The following ARMC8 variants were observed in gnomAD, a reference collection of about 807,000 sequenced individuals.
The protein encoded by ARMC8 is armadillo repeat-containing protein 8.
In ARMC8, 20 loss-of-function variants were observed where a neutral mutation model predicts 99.3. That is an observed-to-expected ratio of 0.20 (90% CI 0.14 to 0.29). ARMC8 has a LOEUF of 0.29. Among genes scored for constraint, ARMC8 ranks in the 10% least tolerant of loss-of-function variants. ARMC8 has a pLI of 1.00. For missense variants in ARMC8, 569 were observed against 809.5 expected, an observed-to-expected ratio of 0.70 and a Z score of 3.60; for synonymous variants, 263 against 278.3, an observed-to-expected ratio of 0.95 and a Z score of 0.55.
intron 6 of ARMC8, among the ~76,000 whole-genome samples, chr3:138,233,372 C>T (rs1012225953): frequency 6.6e-6 from 1 of 152,172 alleles, no homozygotes; most frequent in East Asian, 1.9e-4. Context: ...GGGAATTTAT[C>T]CTCATAACCT....
intron 1 of ARMC8, among the ~76,000 whole-genome samples, chr3:138,190,280 T>C (rs1327737196): frequency 3.4e-5 from 5 of 146,734 alleles, no homozygotes; most frequent in Non-Finnish European, 7.4e-5. Flanking sequence ...TATTTTCTTA[T>C]CTTTTTTTTT....
chr3:138,270,199 A>G, intron 16 of ARMC8, 67 bp downstream of exon 16: 2 of 1,191,352 alleles, frequency 1.7e-6, no homozygotes, highest in South Asian at 1.4e-5. Flanking sequence ...AGTTAGAACT[A>G]TAATGTGTTA....
At chr3:138,233,777 T>C (rs2046185698) in intron 6 of ARMC8, among the ~76,000 whole-genome samples, 1 of 152,210 alleles carries the variant, frequency 6.6e-6, no homozygotes, top group Admixed American at 6.5e-5. Context: ...TGAGAGCACT[T>C]GCTGGACCAA....
chr3:138,287,946 C>T (rs1249555944), intron 19 of ARMC8: 1 of 202,520 alleles, frequency 4.9e-6, no homozygotes, highest in Non-Finnish European at 1.0e-5. Flanking sequence ...ACACCCTATC[C>T]AAAGCAACCA....
At chr3:138,188,715 A>G (rs2043213118) in intron 1 of ARMC8, among the ~76,000 whole-genome samples, 1 of 152,208 alleles carries the variant, frequency 6.6e-6, no homozygotes, top group African/African-American at 2.4e-5. Flanking sequence ...CTTGTCCCAC[A>G]AACAAACTCA....
chr3:138,219,813 T>C (rs2045292168), intron 2 of ARMC8, among the ~76,000 whole-genome samples: 1 of 152,238 alleles, frequency 6.6e-6, no homozygotes, highest in Non-Finnish European at 1.5e-5. Context: ...ACCTCCTTCA[T>C]GTCCTTTTTG....
intron 12 of ARMC8, chr3:138,246,689 A>G (rs1179501361): frequency 5.1e-6 from 5 of 983,702 alleles, no homozygotes; most frequent in Non-Finnish European, 6.0e-6. Flanking sequence ...ACTTCTTTGT[A>G]CTTTTTTGTT....
Position 138,239,411 on chromosome 3 carries a change from T to C in ARMC8, c.777-57T>C, listed in dbSNP as rs1036859359. 4 of 1,319,014 alleles carry C rather than the reference T, an allele frequency of 3.0e-6. No homozygotes were observed. In the African/African-American group the frequency reaches 5.9e-5, roughly 20 times the overall value. 81.7% of individuals were successfully genotyped at this position (1,319,014 alleles called of 1,614,324 possible). A position where few individuals can be genotyped will look rare whatever the true frequency, so the allele number is the denominator to read the frequency against. On this transcript the variant is annotated intron_variant, in intron 9 of 21. Transcript: ENST00000469044. Reference sequence around the variant, plus strand: ...AATAAAATCTTAAAGGCAAATAATTTTTCATTTAAAGCTTTAAACTCCAAG... The same window carrying C: ...AATAAAATCTTAAAGGCAAATAATTCTTCATTTAAAGCTTTAAACTCCAAG...
chr3:138,267,104 CTCATCT>C, intron 14 of ARMC8, 45 bp from the exon 15 acceptor site: 1 of 918,932 alleles, frequency 1.1e-6, no homozygotes, highest in South Asian at 1.7e-5. Flanking sequence ...CATTTTATAT[CTCATCT>C]TCATCATTCC....
Position 138,216,963 on chromosome 3 carries a change from T to C in ARMC8, c.123-4963T>C, listed in dbSNP as rs141659136. On this transcript the variant is annotated intron_variant, in intron 2 of 21. Transcript: ENST00000469044. The stretch of plus-strand genomic sequence containing the variant: ...GACCCTGTAAGAATATAATACTGTA[T>C]TTTTGTATTTAAATATGTTTAGCTA... Among the ~76,000 whole-genome samples, 848 of 152,328 alleles carry C rather than the reference T, an allele frequency of 5.6e-3. 6 individuals are homozygous for C. Among genetic ancestry groups the C allele is most frequent in the African/African-American group, 0.019 (792 of 41,572 alleles).
At chr3:138,245,584 CTA>C in intron 12 of ARMC8, 1 of 1,036,656 alleles carries the variant, frequency 9.6e-7, no homozygotes, top group Non-Finnish European at 1.2e-6. Context: ...ATTCAAATCT[CTA>C]TTGTATATTG....
At chr3:138,256,324 C>A (rs939599901) in intron 12 of ARMC8, among the ~76,000 whole-genome samples, 2 of 152,008 alleles carry the variant, frequency 1.3e-5, no homozygotes, top group African/African-American at 4.8e-5. Flanking sequence ...GCCATTTGTA[C>A]CCCCAACCAA....
chr3:138,223,582 G>T lies in ARMC8; in HGVS notation c.337+51G>T, dbSNP rs754550157. On this transcript the variant is annotated intron_variant, in intron 4 of 21. Transcript: ENST00000469044. ...AATTAAGGTTAAGAATCAGTTTGCA[G>T]TGCTTTAAATACTGGTTGAAAGGAT... 1.3e-4 allele frequency: 203 copies of T among 1,613,934 alleles called. 1 individual carries two copies. The Admixed American group carries it at 3.4e-3, about 27-fold the overall frequency.
rs889599206 is a variant in ARMC8 at position 138,298,011 on chromosome 3, A to C, written c.*2119A>C. On this transcript the variant is annotated 3_prime_UTR_variant, in exon 22 of 22. Coordinates refer to ENST00000469044, the MANE Select transcript of ARMC8 (RefSeq NM_001363941.2). ...CCTGTGGGTATAAACAGATGGTCAAATTAAAAATGCTTTACTATAATTAAC... is the reference window on the plus strand; with the variant it reads ...CCTGTGGGTATAAACAGATGGTCAACTTAAAAATGCTTTACTATAATTAAC... The C allele has an allele frequency of 3.3e-5, 5 of 152,272 alleles. No individual in the cohort carries two copies. The highest frequency in any genetic ancestry group is 1.2e-4 in the African/African-American group (5 of 41,478). The allele number at this position is 152,272 out of a possible 1,614,324, so 9.4% of individuals were successfully genotyped here.
intron 1 of ARMC8, among the ~76,000 whole-genome samples, chr3:138,193,466 A>G (rs895088701): frequency 6.6e-6 from 1 of 151,906 alleles, no homozygotes; most frequent in Non-Finnish European, 1.5e-5. Flanking sequence ...GGGTTTCGCC[A>G]TGTTGGCCAG....
rs1041712380 is a variant in ARMC8 at position 138,269,997 on chromosome 3, G to C, written c.1387-43G>C. The C allele has an allele frequency of 1.0e-5, 14 of 1,381,592 alleles. No individual in the cohort carries two copies. The African/African-American group carries it at 2.0e-4, about 20-fold the overall frequency. 85.6% of individuals were successfully genotyped at this position (1,381,592 alleles called of 1,614,324 possible). A position where few individuals can be genotyped will look rare whatever the true frequency, so the allele number is the denominator to read the frequency against. ...TATATGCATGTTTAGTTTGCAAACT[G>C]GACTTTAAAGCTGTGATTTTTTTTT... On this transcript the variant is annotated intron_variant, in intron 15 of 21. Coordinates refer to ENST00000469044, the MANE Select transcript of ARMC8 (RefSeq NM_001363941.2).
chr3:138,190,569 G>GA, intron 1 of ARMC8, among the ~76,000 whole-genome samples: 2 of 152,242 alleles, frequency 1.3e-5, no homozygotes, highest in East Asian at 1.9e-4. Flanking sequence ...GATTACAGGT[G>GA]TGAGCCACTG....
Position 138,221,930 on chromosome 3 carries a change from A to G in ARMC8, c.127A>G (p.Met43Val), listed in dbSNP as rs761773944. The G allele has an allele frequency of 9.9e-6, 16 of 1,612,436 alleles. No homozygotes were observed. Among genetic ancestry groups the G allele is most frequent in the Admixed American group, 1.7e-5 (1 of 59,998 alleles). The change falls in exon 3 of 22, where the codon ATG becomes GTG. Residue 43 changes from methionine to valine, a missense_variant. Transcript: ENST00000469044. ...TTTTTCTTCCCCTTAATTCAGAGAC[A>G]TGAAAAATGCTGTAATTGGAAACAA... Reference protein sequence around the residue: ...PQKVLQGVIDMKNAVIGNNKQ... With the variant: ...PQKVLQGVIDVKNAVIGNNKQ...
chr3:138,215,894 T>C (rs909514664), intron 2 of ARMC8, among the ~76,000 whole-genome samples: 3 of 151,848 alleles, frequency 2.0e-5, no homozygotes, highest in Admixed American at 6.6e-5. Context: ...AGAGTCTTGC[T>C]CTGTCATCCA....
Sources: allele counts gnomAD v4.1 joint callset (sites outside exome capture counted in the v4.1 genomes callset), GRCh38; gene constraint gnomAD v4.1.1; transcripts MANE v1.5; gene names NCBI Gene and HGNC (gene_info 2026-07-23, HGNC 2026-07-21).